Variants in FAM110B observed in about 807,000 individuals in gnomAD.
FAM110B encodes the protein family with sequence similarity 110 member B.
Under a neutral mutation model 20.4 loss-of-function variants are expected in FAM110B, and 6 were observed. That is an observed-to-expected ratio of 0.29 (90% confidence interval 0.16 to 0.58). FAM110B has a LOEUF of 0.58. Ranked by LOEUF, FAM110B falls within the 20% of genes least tolerant of loss-of-function variation. FAM110B has a pLI of 0.90. For synonymous variants in FAM110B, 226 were observed against 214.1 expected (o/e 1.06, Z -0.49); for missense variants, 434 against 498.2 (o/e 0.87, Z 1.23).
intron 1 of FAM110B, among the ~76,000 whole-genome samples, chr8:58,015,844 C>CAAAAA (rs11318984): frequency 9.8e-6 from 1 of 101,546 alleles, no homozygotes; most frequent in Non-Finnish European, 2.1e-5. Context: ...GACTTTGTCT[C>CAAAAA]AAAAAAAAAA....
intron 1 of FAM110B, among the ~76,000 whole-genome samples, chr8:58,020,226 T>C (rs1257960116): frequency 6.6e-6 from 1 of 152,206 alleles, no homozygotes; most frequent in Non-Finnish European, 1.5e-5. Context: ...CTTAATATAT[T>C]TGACGTAGTT....
intron 3 of FAM110B, among the ~76,000 whole-genome samples, chr8:58,138,346 C>T (rs1803667993): frequency 6.6e-6 from 1 of 152,220 alleles, no homozygotes; most frequent in Non-Finnish European, 1.5e-5. Context: ...GACCACCTTT[C>T]CCCGGCACAT....
chr8:58,093,070 CT>C (rs1159330412), intron 3 of FAM110B, among the ~76,000 whole-genome samples: 1 of 152,068 alleles, frequency 6.6e-6, no homozygotes, highest in Non-Finnish European at 1.5e-5. Flanking sequence ...TGTTCATATC[CT>C]TTGCCCACTT....
chr8:58,095,113 T>TA (rs1449082487), intron 3 of FAM110B, among the ~76,000 whole-genome samples: 1 of 152,226 alleles, frequency 6.6e-6, no homozygotes, highest in Non-Finnish European at 1.5e-5. Context: ...TATCATTTTT[T>TA]ATTGCATCTA....
intron 3 of FAM110B, among the ~76,000 whole-genome samples, chr8:58,125,155 C>T (rs921156525): frequency 2.0e-5 from 3 of 152,050 alleles, no homozygotes; most frequent in Non-Finnish European, 4.4e-5. Context: ...TCGAGACCAG[C>T]CTGAGCAACA....
intron 3 of FAM110B, among the ~76,000 whole-genome samples, chr8:58,109,418 A>AC (rs886928366): frequency 2.6e-5 from 4 of 152,032 alleles, no homozygotes; most frequent in Non-Finnish European, 5.9e-5. Flanking sequence ...ACTCATAAAG[A>AC]CCCCAGGGCT....
intron 3 of FAM110B, among the ~76,000 whole-genome samples, chr8:58,116,199 G>C (rs1807208710): frequency 6.6e-6 from 1 of 152,146 alleles, no homozygotes; most frequent in South Asian, 2.1e-4. Context: ...AAACCCCTCG[G>C]ATCATTGCAT....
intron 3 of FAM110B, among the ~76,000 whole-genome samples, chr8:58,098,153 T>TC (rs1806681610): frequency 6.6e-6 from 1 of 152,164 alleles, no homozygotes; most frequent in South Asian, 2.1e-4. Context: ...AGCCACCCCT[T>TC]CCCCCAGGTG....
chr8:58,147,364 G>T lies in FAM110B; in HGVS notation c.*21G>T. 1 of 1,601,106 alleles carries T rather than the reference G, an allele frequency of 6.2e-7. No homozygotes were observed. The highest frequency in any genetic ancestry group is 2.2e-5 in the East Asian group (1 of 44,796). On this transcript the variant is annotated 3_prime_UTR_variant, in exon 4 of 4. Transcript: ENST00000519262. ...TGTAAGACAGTGCGTGGAAAGGAGG[G>T]AGCGTGGGTCTCTGTGCTTACGCAG... is the stretch of plus-strand genomic sequence containing the variant.
At chr8:58,074,263 A>C (rs73236484) in intron 2 of FAM110B, among the ~76,000 whole-genome samples, 12,209 of 151,956 alleles carry the variant, frequency 0.08, 811 homozygotes, top group African/African-American at 0.18. Flanking sequence ...GTAAGTAGCT[A>C]TTCTCCAACG....
At chr8:58,134,932 C>T (rs1803574408) in intron 3 of FAM110B, among the ~76,000 whole-genome samples, 1 of 152,044 alleles carries the variant, frequency 6.6e-6, no homozygotes, top group Admixed American at 6.6e-5. Flanking sequence ...GGTATTAATA[C>T]TAAACAGTGA....
intron 2 of FAM110B, among the ~76,000 whole-genome samples, chr8:58,058,988 G>T (rs1013138844): frequency 2.0e-5 from 3 of 152,090 alleles, no homozygotes; most frequent in African/African-American, 7.2e-5. Flanking sequence ...AGAAATCATT[G>T]TTCTGATTCT....
intron 3 of FAM110B, among the ~76,000 whole-genome samples, chr8:58,080,281 T>C (rs1563362432): frequency 6.6e-6 from 1 of 152,040 alleles, no homozygotes; most frequent in Non-Finnish European, 1.5e-5. Context: ...GAAAGTAGAA[T>C]GGAAAGGTTA....
At chr8:58,073,587 G>A (rs973331170) in intron 2 of FAM110B, among the ~76,000 whole-genome samples, 1 of 152,240 alleles carries the variant, frequency 6.6e-6, no homozygotes, top group African/African-American at 2.4e-5. Context: ...ACATCATATG[G>A]GAATTGAAGT....
chr8:58,070,766 A>C (rs891768619), intron 2 of FAM110B, among the ~76,000 whole-genome samples: 1 of 150,796 alleles, frequency 6.6e-6, no homozygotes, highest in African/African-American at 2.5e-5. Context: ...GGAAGAATTT[A>C]GTGAAACACA....
chr8:58,040,252 G>A (rs1332848528), intron 2 of FAM110B, among the ~76,000 whole-genome samples: 2 of 152,088 alleles, frequency 1.3e-5, no homozygotes, highest in African/African-American at 4.8e-5. Flanking sequence ...TGTCCCCAAA[G>A]TGGATTCATC....
intron 2 of FAM110B, among the ~76,000 whole-genome samples, chr8:58,051,723 A>G (rs897515353): frequency 1.3e-5 from 2 of 152,342 alleles, no homozygotes; most frequent in East Asian, 1.9e-4. Context: ...AGATAGATGT[A>G]TATTAGTATT....
At chr8:58,089,898 T>C (rs1274427474) in intron 3 of FAM110B, among the ~76,000 whole-genome samples, 1 of 152,242 alleles carries the variant, frequency 6.6e-6, no homozygotes, top group Non-Finnish European at 1.5e-5. Context: ...TGCAGTATGA[T>C]TTCTGTCCTT....
intron 1 of FAM110B, among the ~76,000 whole-genome samples, chr8:58,003,196 G>C (rs913604614): frequency 1.3e-5 from 2 of 152,174 alleles, no homozygotes; most frequent in African/African-American, 4.8e-5. Context: ...CTCCTCATCT[G>C]TTAGTTTTAT....
Sources: gnomAD v4.1 joint callset for allele counts (sites outside exome capture counted in the v4.1 genomes callset) on GRCh38, gnomAD v4.1.1 for gene constraint, MANE v1.5 for transcripts, NCBI Gene and HGNC (gene_info 2026-07-23, HGNC 2026-07-21) for gene names.